The following CPXM2 variants were observed in gnomAD, a reference collection of about 807,000 sequenced individuals.
CPXM2 encodes the protein inactive carboxypeptidase-like protein X2.
In CPXM2, 66 loss-of-function variants were observed where a neutral mutation model predicts 86.1. That is an observed-to-expected ratio of 0.77 (90% CI 0.63 to 0.94). The LOEUF is 0.94. Among genes scored for constraint, CPXM2 ranks in the 40% least tolerant of loss-of-function variants. The pLI is 0.00. For synonymous variants in CPXM2, 388 were observed against 400.2 expected (o/e 0.97, Z 0.36); for missense variants, 948 against 1,026.3 (o/e 0.92, Z 1.04).
intron 4 of CPXM2, among the ~76,000 whole-genome samples, chr10:123,816,013 T>C (rs1428232674): frequency 1.3e-5 from 2 of 152,120 alleles, no homozygotes; most frequent in Non-Finnish European, 2.9e-5. Context: ...TTAGCTGAAA[T>C]ATGGATTAGA....
At chr10:123,869,456 A>G (rs1040898019) in intron 2 of CPXM2, among the ~76,000 whole-genome samples, 2 of 152,236 alleles carry the variant, frequency 1.3e-5, no homozygotes, top group African/African-American at 4.8e-5. Context: ...AACACAGAAA[A>G]AAGTGTGAAA....
chr10:123,754,810 G>A lies in CPXM2; in HGVS notation c.1918-48C>T, dbSNP rs1378204326. 1 of 1,063,398 alleles carries A rather than the reference G, an allele frequency of 9.4e-7. No individual in the cohort carries two copies. Among genetic ancestry groups the A allele is most frequent in the Admixed American group, 1.7e-5 (1 of 59,062 alleles). 65.9% of individuals were successfully genotyped at this position (1,063,398 alleles called of 1,614,324 possible). A position where few individuals can be genotyped will look rare whatever the true frequency, so the allele number is the denominator to read the frequency against. The stretch of plus-strand genomic sequence containing the variant: ...AGGGTGAGGTCACCGACCAGCTCTG[G>A]ACACAACCGGCACAACAGAGTGGGC... On this transcript the variant is annotated intron_variant, in intron 12 of 13. Coordinates refer to ENST00000241305, the MANE Select transcript of CPXM2 (RefSeq NM_198148.3). This position sits in a 1 kb window ranked among gnomAD's most constrained non-coding sequence, Gnocchi z 4.0.
rs1409822461 is a variant in CPXM2, at chr10:123,891,690, CACGGT to C, written c.-36_-32del. On this transcript the variant is annotated 5_prime_UTR_variant, in exon 1 of 14. Transcript: ENST00000241305. This position sits in a 1 kb window ranked among gnomAD's most constrained non-coding sequence, Gnocchi z 5.6. ...CTCCGCCCCGCGCCCAGGGCAGGGT[CACGGT>C]CACCGGGGGCGCCGGGCGGGCTGCG... 7.5e-7 allele frequency: 1 copy of C among 1,326,270 alleles called. No individual in the cohort carries two copies. The highest frequency in any genetic ancestry group is 9.6e-7 in the Non-Finnish European group (1 of 1,038,928). 82.2% of individuals were successfully genotyped at this position (1,326,270 alleles called of 1,614,324 possible).
intron 2 of CPXM2, among the ~76,000 whole-genome samples, chr10:123,910,381 A>G (rs1945478799): frequency 1.3e-5 from 2 of 150,510 alleles, no homozygotes; most frequent in African/African-American, 2.4e-5. Flanking sequence ...CCCGGACAGA[A>G]CCCTTTCATG....
chr10:123,929,120 G>T (rs753393837), intron 2 of CPXM2, among the ~76,000 whole-genome samples: 1 of 152,252 alleles, frequency 6.6e-6, no homozygotes, highest in Non-Finnish European at 1.5e-5. Flanking sequence ...TGGGAGATCA[G>T]AGAAAGGATC....
intron 1 of CPXM2, among the ~76,000 whole-genome samples, chr10:123,880,994 ACT>A (rs1023040687): frequency 6.7e-6 from 1 of 149,906 alleles, no homozygotes; most frequent in African/African-American, 2.5e-5. Context: ...CTCCAACCTA[ACT>A]CTCTCCCAGG....
intron 13 of CPXM2, among the ~76,000 whole-genome samples, chr10:123,748,075 C>G (rs150734290): frequency 1.4e-3 from 214 of 152,140 alleles, no homozygotes; most frequent in African/African-American, 5.1e-3. Flanking sequence ...ACCACCCACA[C>G]GCAAAAAGAC....
intron 2 of CPXM2, among the ~76,000 whole-genome samples, chr10:123,921,556 C>T (rs996405496): frequency 9.9e-5 from 15 of 152,142 alleles, no homozygotes; most frequent in African/African-American, 3.4e-4. Context: ...AGCTGGCAGC[C>T]CACCTATCCC....
At chr10:123,924,294 C>T (rs945269401) in intron 2 of CPXM2, among the ~76,000 whole-genome samples, 2 of 152,184 alleles carry the variant, frequency 1.3e-5, no homozygotes, top group Non-Finnish European at 2.9e-5. Context: ...TTACAAATAG[C>T]GGGTCCCCAG....
chr10:123,835,826 G>A (rs1402991526), intron 4 of CPXM2, among the ~76,000 whole-genome samples: 1 of 152,198 alleles, frequency 6.6e-6, no homozygotes, highest in African/African-American at 2.4e-5. Flanking sequence ...GGTCCCTTGG[G>A]AGGAACAAGG....
intron 2 of CPXM2, among the ~76,000 whole-genome samples, chr10:123,871,481 C>T (rs1944895502): frequency 6.6e-6 from 1 of 152,228 alleles, no homozygotes; most frequent in South Asian, 2.1e-4. Flanking sequence ...TTTCTCAACC[C>T]TCAAGCACTT....
chr10:123,823,331 G>A (rs1474578530), intron 4 of CPXM2, among the ~76,000 whole-genome samples: 3 of 152,138 alleles, frequency 2.0e-5, no homozygotes, highest in East Asian at 1.9e-4. Context: ...GATGGCTCCA[G>A]GAGGGATATC....
chr10:123,850,474 C>G (rs1185776367), intron 3 of CPXM2, among the ~76,000 whole-genome samples: 3 of 152,222 alleles, frequency 2.0e-5, no homozygotes, highest in Non-Finnish European at 4.4e-5. Context: ...AAATCTCACA[C>G]CGTTTCTCAC....
At chr10:123,763,742 G>A (rs1428371564) in intron 10 of CPXM2, among the ~76,000 whole-genome samples, 1 of 151,924 alleles carries the variant, frequency 6.6e-6, no homozygotes, top group Non-Finnish European at 1.5e-5. Flanking sequence ...GACGGGCATT[G>A]GTAATTTTCA....
intron 10 of CPXM2, among the ~76,000 whole-genome samples, chr10:123,765,211 T>C (rs1316902970): frequency 6.6e-6 from 1 of 152,250 alleles, no homozygotes; most frequent in Non-Finnish European, 1.5e-5. Context: ...TCATTGGTTA[T>C]AGAATTCTTA....
intron 2 of CPXM2, among the ~76,000 whole-genome samples, chr10:123,916,607 A>G (rs937385251): frequency 6.6e-6 from 1 of 152,136 alleles, no homozygotes; most frequent in African/African-American, 2.4e-5. Context: ...TCCCTAACTC[A>G]GGCTCCTCCA....
At chr10:123,850,164 G>A (rs145393888) in intron 3 of CPXM2, among the ~76,000 whole-genome samples, 3 of 152,166 alleles carry the variant, frequency 2.0e-5, no homozygotes, top group African/African-American at 7.2e-5. Flanking sequence ...CATAAAAAAT[G>A]ACATGATATA....
intron 13 of CPXM2, chr10:123,752,576 C>T: frequency 2.0e-6 from 2 of 985,314 alleles, no homozygotes; most frequent in Non-Finnish European, 2.4e-6. Flanking sequence ...ATCCTAATGT[C>T]CCAAAGTCTG....
intron 4 of CPXM2, among the ~76,000 whole-genome samples, chr10:123,834,345 A>G (rs552575868): frequency 5.5e-4 from 84 of 152,342 alleles, no homozygotes; most frequent in Non-Finnish European, 9.1e-4. Flanking sequence ...CTAATCTAGC[A>G]CTGGAGATTC....
Sources: gnomAD v4.1 joint callset for allele counts (sites outside exome capture counted in the v4.1 genomes callset) on GRCh38, gnomAD v4.1.1 for gene constraint, Gnocchi (gnomAD v3.1) non-coding constraint, MANE v1.5 for transcripts, NCBI Gene and HGNC (gene_info 2026-07-23, HGNC 2026-07-21) for gene names.